The following MORC1 variants were observed in gnomAD, a reference collection of about 807,000 sequenced individuals.
MORC1 encodes the protein MORC family CW-type zinc finger protein 1.
A neutral mutation model predicts 134.9 loss-of-function variants in MORC1; 59 were observed. The observed-to-expected ratio is 0.44, with a 90% CI of 0.35 to 0.54. The LOEUF (loss-of-function observed/expected upper bound fraction) is 0.54, where lower values mean the gene tolerates loss of function less well. Among genes scored for constraint, MORC1 ranks in the 20% least tolerant of loss-of-function variants. The pLI, the probability that MORC1 is intolerant of heterozygous loss-of-function variation, is 0.00. For synonymous variants in MORC1, 395 were observed against 391.7 expected (o/e 1.01, Z -0.10); for missense variants, 947 against 1,134.5 (o/e 0.83, Z 2.37).
intron 8 of MORC1, among the ~76,000 whole-genome samples, chr3:109,072,925 A>C (rs2107714540): frequency 7.1e-6 from 1 of 141,348 alleles, no homozygotes; most frequent in South Asian, 2.4e-4. Context: ...AGACAGAACA[A>C]TCTCCCTCAA....
chr3:109,103,481 G>T (rs1247894562), intron 4 of MORC1, among the ~76,000 whole-genome samples: 1 of 152,174 alleles, frequency 6.6e-6, no homozygotes, highest in Non-Finnish European at 1.5e-5. Flanking sequence ...TACAGGCACA[G>T]GAAACTGCCT....
At chr3:109,098,922 G>T (rs868525340) in intron 6 of MORC1, among the ~76,000 whole-genome samples, 27 of 152,194 alleles carry the variant, frequency 1.8e-4, no homozygotes, top group Middle Eastern at 3.4e-3. Flanking sequence ...AATGCCTCTG[G>T]ATCAGCAAAT....
intron 25 of MORC1, among the ~76,000 whole-genome samples, chr3:108,970,466 G>A (rs73200669): frequency 6.6e-6 from 1 of 152,012 alleles, no homozygotes; most frequent in Non-Finnish European, 1.5e-5. Flanking sequence ...GTTCAGCTGT[G>A]GAATCAGAAG....
chr3:109,025,798 T>C (rs1949061658), intron 17 of MORC1, among the ~76,000 whole-genome samples: 1 of 152,216 alleles, frequency 6.6e-6, no homozygotes, highest in Non-Finnish European at 1.5e-5. Flanking sequence ...TTTATAGTGG[T>C]TGCTCATTTT....
chr3:108,973,708 C>T (rs1947461249), intron 24 of MORC1, among the ~76,000 whole-genome samples: 1 of 151,078 alleles, frequency 6.6e-6, no homozygotes, highest in African/African-American at 2.4e-5. Flanking sequence ...GTAATCCTCC[C>T]AACTCACCCA....
intron 8 of MORC1, among the ~76,000 whole-genome samples, chr3:109,070,969 C>A (rs1950303784): frequency 6.6e-6 from 1 of 152,108 alleles, no homozygotes; most frequent in Non-Finnish European, 1.5e-5. Context: ...CACTCTTATT[C>A]CCTAAATATT....
At chr3:108,982,586 G>GC (rs892349493) in intron 23 of MORC1, among the ~76,000 whole-genome samples, 1 of 151,584 alleles carries the variant, frequency 6.6e-6, no homozygotes, top group African/African-American at 2.4e-5. Context: ...CGTGGGATGG[G>GC]GGGGGCAGGG....
At chr3:109,006,839 A>G (rs551745387) in intron 18 of MORC1, among the ~76,000 whole-genome samples, 190 bp downstream of exon 18, 206 of 152,322 alleles carry the variant, frequency 1.4e-3, no homozygotes, top group African/African-American at 4.8e-3. Context: ...AATTTTATTT[A>G]TATTTTACTT....
intron 8 of MORC1, among the ~76,000 whole-genome samples, chr3:109,085,797 TG>T (rs1477804863): frequency 9.2e-5 from 14 of 152,104 alleles, no homozygotes; most frequent in Admixed American, 2.6e-4. Context: ...TGTATTCCCA[TG>T]TTTACTGCAG....
At chr3:109,053,015 A>T (rs1245378927) in intron 14 of MORC1, among the ~76,000 whole-genome samples, 1 of 152,084 alleles carries the variant, frequency 6.6e-6, no homozygotes, top group Non-Finnish European at 1.5e-5. Flanking sequence ...ATGAAAAAAA[A>T]TGGTCCACAT....
intron 4 of MORC1, among the ~76,000 whole-genome samples, chr3:109,103,545 A>G (rs2107785556): frequency 6.6e-6 from 1 of 152,300 alleles, no homozygotes; most frequent in Middle Eastern, 3.4e-3. Flanking sequence ...CTCAGAGTCT[A>G]TTCAGTGACT....
chr3:109,079,833 T>G (rs539094910), intron 8 of MORC1, among the ~76,000 whole-genome samples: 3 of 151,900 alleles, frequency 2.0e-5, no homozygotes, highest in Non-Finnish European at 4.4e-5. Context: ...AATGAATAAT[T>G]AGAAAAGCAA....
rs576925771 is a variant in MORC1, at chr3:109,054,212, T to C, written c.1330+516A>G. ...CAGAGAATTGCTTGAACCAGGGAGA[T>C]AGAGGTTGCAGTGAGCCGAGATTGC... On this transcript the variant is annotated intron_variant, in intron 14 of 27. Transcript: ENST00000232603. 4.8e-4 allele frequency among the ~76,000 whole-genome samples: 72 copies of C among 149,180 alleles called. No individual in the cohort carries two copies. The East Asian group carries it at 0.01, about 21-fold the overall frequency.
chr3:109,110,927 A>C, intron 2 of MORC1, 144 bp from the exon 3 acceptor site: 1 of 548,922 alleles, frequency 1.8e-6, no homozygotes, highest in Non-Finnish European at 3.2e-6. Context: ...CCGTGCTATT[A>C]TATCATAAGA....
At chr3:109,080,781 C>T (rs750562713) in intron 8 of MORC1, among the ~76,000 whole-genome samples, 64 of 152,096 alleles carry the variant, frequency 4.2e-4, no homozygotes, top group Admixed American at 9.2e-4. Flanking sequence ...GAAAGAAAGG[C>T]TTGGTATTTG....
chr3:108,979,719 G>C, intron 23 of MORC1, 52 bp from the exon 24 acceptor site: 1 of 1,588,010 alleles, frequency 6.3e-7, no homozygotes, highest in Non-Finnish European at 8.6e-7. Context: ...AATAATTTCA[G>C]AAACACTAAT....
chr3:109,058,598 T>C (rs151120136), intron 12 of MORC1, among the ~76,000 whole-genome samples: 1 of 152,034 alleles, frequency 6.6e-6, no homozygotes, highest in African/African-American at 2.4e-5. Context: ...TATATATATA[T>C]AGAACATAAG....
chr3:109,014,622 G>T (rs562368296), intron 17 of MORC1, among the ~76,000 whole-genome samples: 5 of 152,210 alleles, frequency 3.3e-5, no homozygotes, highest in Non-Finnish European at 7.4e-5. Context: ...TAAATTATTT[G>T]GGTTTGTAAT....
At position 109,115,181 on chromosome 3, in the gene MORC1, G is replaced by A. The variant is rs150655279; in HGVS notation, c.66-744C>T. Reference sequence around the variant, plus strand: ...ACAGCATTAAGGGAATATTCAGCATGCAATTTTCTTTCTATATTTAGTAAA... The same window carrying A: ...ACAGCATTAAGGGAATATTCAGCATACAATTTTCTTTCTATATTTAGTAAA... On this transcript the variant is annotated intron_variant, in intron 1 of 27. Transcript: ENST00000232603. Among the ~76,000 whole-genome samples the A allele has an allele frequency of 2.0e-4, 31 of 152,282 alleles. 1 individual carries two copies. The East Asian group carries it at 5.6e-3, about 27-fold the overall frequency.
Sources: gnomAD v4.1 joint callset for allele counts (sites outside exome capture counted in the v4.1 genomes callset) on GRCh38, gnomAD v4.1.1 for gene constraint, MANE v1.5 for transcripts, NCBI Gene and HGNC (gene_info 2026-07-23, HGNC 2026-07-21) for gene names.